Variants in SYT9 observed in about 807,000 individuals in gnomAD.
SYT9 encodes the protein synaptotagmin 9.
A neutral mutation model predicts 48.4 loss-of-function variants in SYT9; 22 were observed. The ratio of observed to expected loss-of-function variants is 0.45; its 90% CI spans 0.32 to 0.65. SYT9 has a LOEUF of 0.65. Among genes scored for constraint, SYT9 ranks in the 30% least tolerant of loss-of-function variants. The probability of loss-of-function intolerance (pLI) is 0.03; values close to 1 mark genes in which losing one functional copy is unlikely to be tolerated. For synonymous variants in SYT9, 265 were observed against 245.0 expected, an observed-to-expected ratio of 1.08 and a Z score of -0.76; for missense variants, 577 against 622.0, an observed-to-expected ratio of 0.93 and a Z score of 0.77.
Position 7,448,420 on chromosome 11 carries a change from G to T in SYT9, c.1468-18372G>T, listed in dbSNP as rs114906771. Among the ~76,000 whole-genome samples, 538 of 152,360 alleles carry T rather than the reference G, an allele frequency of 3.5e-3. 3 individuals carry two copies. The highest frequency in any genetic ancestry group is 0.012 in the African/African-American group (507 of 41,584). On this transcript the variant is annotated intron_variant, in intron 6 of 6. Transcript: ENST00000318881. Reference sequence around the variant, plus strand: ...CAGACACCTCATGCACATCTTCTCCGTTCAGGGCTCCAAATCCCTGCTGCG... The same window carrying T: ...CAGACACCTCATGCACATCTTCTCCTTTCAGGGCTCCAAATCCCTGCTGCG...
intron 3 of SYT9, among the ~76,000 whole-genome samples, chr11:7,331,752 C>G (rs753341595): frequency 2.0e-4 from 30 of 152,040 alleles, no homozygotes; most frequent in Non-Finnish European, 4.1e-4. Context: ...ATTAGGAGTC[C>G]TCATTAAGCA....
intron 2 of SYT9, among the ~76,000 whole-genome samples, chr11:7,310,635 A>G (rs1849116133): frequency 6.6e-6 from 1 of 151,652 alleles, no homozygotes; most frequent in Admixed American, 6.6e-5. Context: ...TTTAGCAGAG[A>G]TGGGGTTTCA....
At chr11:7,248,643 A>G (rs981673443), upstream of SYT9, among the ~76,000 whole-genome samples, 1 of 152,182 alleles carries the variant, frequency 6.6e-6, no homozygotes, top group Non-Finnish European at 1.5e-5. Context: ...AAAGACCTCT[A>G]CAAGGAAGAC....
chr11:7,437,116 A>G (rs983595818), intron 6 of SYT9, among the ~76,000 whole-genome samples: 2 of 152,160 alleles, frequency 1.3e-5, no homozygotes, highest in African/African-American at 2.4e-5. Context: ...CCAGTAGCTT[A>G]TTTTTTATTG....
At chr11:7,423,889 C>A (rs1590018603) in intron 6 of SYT9, among the ~76,000 whole-genome samples, 1 of 152,188 alleles carries the variant, frequency 6.6e-6, no homozygotes, top group Admixed American at 6.5e-5. Flanking sequence ...TCTCTAAGAA[C>A]CTTTTAAATG....
At chr11:7,332,391 G>A (rs1179235154) in intron 3 of SYT9, among the ~76,000 whole-genome samples, 1 of 152,208 alleles carries the variant, frequency 6.6e-6, no homozygotes, top group East Asian at 1.9e-4. Flanking sequence ...TGAACTGTTC[G>A]CAGCCAATGC....
At chr11:7,269,663 C>T (rs1321087736) in intron 1 of SYT9, among the ~76,000 whole-genome samples, 2 of 152,162 alleles carry the variant, frequency 1.3e-5, no homozygotes, top group Non-Finnish European at 2.9e-5. Flanking sequence ...CCTGAGTCTA[C>T]TCTTCTAGAG....
chr11:7,303,440 C>A, intron 2 of SYT9, 50 bp downstream of exon 2: 1 of 1,468,078 alleles, frequency 6.8e-7, no homozygotes, highest in Non-Finnish European at 9.2e-7. Flanking sequence ...CACCCCATTC[C>A]CCTCTCTGGC....
In SYT9 at chr11:7,403,307, C is replaced by G. The variant is rs111251097; in HGVS notation, c.1045-12735C>G. On this transcript the variant is annotated intron_variant, in intron 3 of 6. Coordinates refer to ENST00000318881, the MANE Select transcript of SYT9 (RefSeq NM_175733.4). ...AGGCACAGTGGCTCATGCCTGTAATCCCAGCACTTTGGGAGGCTGAGGTAT... is the reference window on the plus strand; with the variant it reads ...AGGCACAGTGGCTCATGCCTGTAATGCCAGCACTTTGGGAGGCTGAGGTAT... Among the ~76,000 whole-genome samples the G allele has an allele frequency of 3.9e-3, 595 of 152,266 alleles. 4 individuals carry two copies. The highest frequency in any genetic ancestry group is 0.013 in the African/African-American group (559 of 41,536).
chr11:7,396,557 C>T (rs983091880), intron 3 of SYT9, among the ~76,000 whole-genome samples: 7 of 152,070 alleles, frequency 4.6e-5, no homozygotes, highest in Admixed American at 6.6e-5. Flanking sequence ...AGAACAATGA[C>T]GTACAAGTCT....
chr11:7,319,984 A>T (rs1475547094), intron 3 of SYT9, among the ~76,000 whole-genome samples: 1 of 152,222 alleles, frequency 6.6e-6, no homozygotes, highest in African/African-American at 2.4e-5. Context: ...AGTTTCTGTG[A>T]GTATTCAAAC....
At chr11:7,290,962 A>G (rs1398245918) in intron 1 of SYT9, among the ~76,000 whole-genome samples, 3 of 152,212 alleles carry the variant, frequency 2.0e-5, no homozygotes, top group African/African-American at 4.8e-5. Context: ...GGATAGTGCA[A>G]TACTCCAGGG....
upstream of SYT9, among the ~76,000 whole-genome samples, chr11:7,249,089 G>T (rs1847828664): frequency 6.6e-6 from 1 of 152,082 alleles, no homozygotes; most frequent in Non-Finnish European, 1.5e-5. Flanking sequence ...TTGGATCAGG[G>T]CTCTACCTTT....
chr11:7,402,731 G>GT (rs897071456), intron 3 of SYT9, among the ~76,000 whole-genome samples: 2 of 151,902 alleles, frequency 1.3e-5, no homozygotes, highest in African/African-American at 2.4e-5. Context: ...TTTTAAGTAG[G>GT]TTTTTTGTAG....
intron 3 of SYT9, among the ~76,000 whole-genome samples, chr11:7,394,650 G>T (rs1846710048): frequency 6.6e-6 from 1 of 151,816 alleles, no homozygotes; most frequent in Non-Finnish European, 1.5e-5. Context: ...TTGATCATCT[G>T]TATGTTTTTT....
intron 2 of SYT9, among the ~76,000 whole-genome samples, chr11:7,310,369 A>C (rs573532929): frequency 2.0e-5 from 3 of 151,172 alleles, no homozygotes; most frequent in African/African-American, 7.3e-5. Flanking sequence ...CCTGACCTCA[A>C]GTGATCCACC....
Position 7,392,027 on chromosome 11 carries a change from A to T in SYT9, c.1045-24015A>T, listed in dbSNP as rs965741237. Among the ~76,000 whole-genome samples, 4 of 151,948 alleles carry T rather than the reference A, an allele frequency of 2.6e-5. No individual in the cohort carries two copies. In the East Asian group the frequency reaches 7.7e-4, roughly 29 times the overall value. ...TTCTGTATATTAGTCCTTAATTTAG[A>T]TGCATAATTTCTGAATATTTTCTCT... On this transcript the variant is annotated intron_variant, in intron 3 of 6. Transcript: ENST00000318881.
intron 6 of SYT9, among the ~76,000 whole-genome samples, chr11:7,451,749 T>A (rs1848056974): frequency 6.6e-6 from 1 of 152,208 alleles, no homozygotes; most frequent in South Asian, 2.1e-4. Flanking sequence ...GGTTGTTGGC[T>A]GCTATCTCAC....
rs554610571 is a variant in SYT9, at chr11:7,293,251, G to A, written c.146-9788G>A. On this transcript the variant is annotated intron_variant, in intron 1 of 6. Transcript: ENST00000318881. ...AGCCAGAAACAGTCATATTTCAGATGTTCTTCCCTCTGTGTCAGTCACAAA... is the reference window on the plus strand; with the variant it reads ...AGCCAGAAACAGTCATATTTCAGATATTCTTCCCTCTGTGTCAGTCACAAA... Among the ~76,000 whole-genome samples, 12 of 152,242 alleles carry A rather than the reference G, an allele frequency of 7.9e-5. No individual in the cohort carries two copies. The South Asian group carries it at 2.3e-3, about 29-fold the overall frequency.
Sources: gnomAD v4.1 joint callset for allele counts (sites outside exome capture counted in the v4.1 genomes callset) on GRCh38, gnomAD v4.1.1 for gene constraint, MANE v1.5 for transcripts, NCBI Gene and HGNC (gene_info 2026-07-23, HGNC 2026-07-21) for gene names.